The following PHF8 variants were observed in gnomAD, a reference collection of about 807,000 sequenced individuals.
PHF8 encodes histone lysine demethylase PHF8.
In PHF8, 9 loss-of-function variants were observed where a neutral mutation model predicts 74.4. The observed-to-expected ratio is 0.12, with a 90% confidence interval of 0.07 to 0.21. PHF8 has a LOEUF of 0.21. Ranked by LOEUF, PHF8 falls within the 10% of genes least tolerant of loss-of-function variation. PHF8 has a pLI of 1.00. For synonymous variants in PHF8, 311 were observed against 316.6 expected, an observed-to-expected ratio of 0.98 and a Z score of 0.19; for missense variants, 478 against 816.6, an observed-to-expected ratio of 0.59 and a Z score of 5.05.
At chrX:54,042,597 CCGCACCCTG>C (rs1440328222) in intron 2 of PHF8, 25 bp downstream of exon 2, 2 of 1,157,006 alleles carry the variant, frequency 1.7e-6, no homozygotes, top group African/African-American at 3.6e-5. Context: ...CACCTGGCCA[CCGCACCCTG>C]TGTAGCCTGG....
chrX:54,006,781 C>T (rs781983094), intron 8 of PHF8, among the ~76,000 whole-genome samples: 9 of 109,015 alleles, frequency 8.3e-5, no homozygotes, highest in Admixed American at 2.0e-4. Flanking sequence ...ACTGCAAATA[C>T]GAAAAAATTA....
intron 18 of PHF8, among the ~76,000 whole-genome samples, chrX:53,977,918 T>C (rs1181117386): frequency 9.4e-6 from 1 of 106,262 alleles, no homozygotes; most frequent in Non-Finnish European, 1.9e-5. Context: ...AGTGCTGGGA[T>C]TACAGGCGTC....
At chrX:53,942,862 C>T in intron 20 of PHF8, 1 of 751,039 alleles carries the variant, frequency 1.3e-6, no homozygotes, top group Non-Finnish European at 1.6e-6. Flanking sequence ...TATTGCAGTG[C>T]ACTATGGCTG....
At chrX:53,993,022 G>A in intron 13 of PHF8, 183 bp from the exon 14 acceptor site, 1 of 449,095 alleles carries the variant, frequency 2.2e-6, no homozygotes, top group East Asian at 3.9e-5. Context: ...ATGTGTGGTT[G>A]GTTCAGGGGA....
intron 18 of PHF8, among the ~76,000 whole-genome samples, chrX:53,969,521 A>G (rs1227491298): frequency 8.9e-6 from 1 of 112,119 alleles, no homozygotes; most frequent in Non-Finnish European, 1.9e-5. Context: ...TGGAAGAACT[A>G]ATATTGCTAA....
At chrX:53,945,915 G>GCTGAT (rs1327557783) in intron 19 of PHF8, among the ~76,000 whole-genome samples, 5 of 112,065 alleles carry the variant, frequency 4.5e-5, no homozygotes, top group African/African-American at 1.3e-4. Flanking sequence ...ATTCTCTAAT[G>GCTGAT]CTGATGTGTT....
At position 54,044,049 on chromosome X, in the gene PHF8, C is replaced by T. The variant is rs2066608497; in HGVS notation, c.-380G>A. 2.6e-6 allele frequency: 2 copies of T among 755,303 alleles called. No individual in the cohort carries two copies. Among genetic ancestry groups the T allele is most frequent in the Non-Finnish European group, 3.1e-6 (2 of 639,582 alleles). 62.2% of individuals were successfully genotyped at this position (755,303 alleles called of 1,213,427 possible). Reference sequence around the variant, plus strand: ...ACCTCGCTCGCCTTCCCCTCGAGCCCCCCGCTGGGTCGCGCGGCGCCAGCC... The same window carrying T: ...ACCTCGCTCGCCTTCCCCTCGAGCCTCCCGCTGGGTCGCGCGGCGCCAGCC... On this transcript the variant is annotated 5_prime_UTR_variant, in exon 1 of 22. Transcript: ENST00000338154.
At chrX:53,986,921 T>A (rs1021867158) in intron 16 of PHF8, among the ~76,000 whole-genome samples, 157 bp downstream of exon 16, 2 of 111,368 alleles carry the variant, frequency 1.8e-5, no homozygotes, top group Admixed American at 9.6e-5. Context: ...GCGAGGAGAC[T>A]CTGTCTCAAA....
At position 53,993,886 on chromosome X, in the gene PHF8, G is replaced by A; in HGVS notation, c.1341C>T (p.Asn447=). The A allele has an allele frequency of 1.7e-6, 2 of 1,203,297 alleles. No homozygotes were observed. The highest frequency in any genetic ancestry group is 4.4e-5 in the Admixed American group (2 of 45,839). ...IRLVEDIFQQ[N]VGKTSNIFGL... ...CAAAGATATTGCTCGTCTTCCCAAC[G>A]TTCTGTTGGAAGATGTCCTACAAGA... Residue 447 remains asparagine (N), a synonymous_variant, in exon 13 of 22, where the codon AAC becomes AAT. Transcript: ENST00000338154.
intron 1 of PHF8, chrX:54,043,189 T>C (rs2066593454): frequency 1.3e-6 from 1 of 741,988 alleles, no homozygotes. Context: ...GGGCTCCCTC[T>C]ATTATGACGC....
intron 11 of PHF8, among the ~76,000 whole-genome samples, chrX:53,999,161 G>A (rs886170223): frequency 3.6e-5 from 4 of 111,417 alleles, no homozygotes; most frequent in African/African-American, 9.8e-5. Context: ...GTATGGGTCC[G>A]TTTATATGCA....
In PHF8 at chrX:53,944,503, C is replaced by T. The variant is rs376542481; in HGVS notation, c.2540-260G>A. 273 of 349,369 alleles carry T rather than the reference C, an allele frequency of 7.8e-4. 1 individual carries two copies. Among genetic ancestry groups the T allele is most frequent in the African/African-American group, 6.2e-3 (239 of 38,729 alleles). The allele number at this position is 349,369 out of a possible 1,213,427, so 28.8% of individuals were successfully genotyped here. On this transcript the variant is annotated intron_variant, in intron 19 of 21. Transcript: ENST00000338154. ...CCTCCTTTGGCTGGGCATGATGGTT[C>T]ATGCCTGTAATCCCATTGCTCTGGG...
chrX:53,984,918 C>T lies in PHF8; in HGVS notation c.2439G>A (p.Glu813=). Residue 813 remains glutamate (E), a synonymous_variant, in exon 18 of 22, where the codon GAG becomes GAA. Transcript: ENST00000338154. ...CATGTGCTTAGCTGCCCTTACTATA[C>T]TCTGCATCCTTGAAGCACGCTCCCA... is the stretch of plus-strand genomic sequence containing the variant. ...DSLGACFKDA[E]YIYPSLESDD... is the part of the protein sequence containing the mutation. 8.3e-7 allele frequency: 1 copy of T among 1,207,242 alleles called. No individual in the cohort carries two copies. The highest frequency in any genetic ancestry group is 1.8e-5 in the South Asian group (1 of 56,829).
At chrX:54,036,862 T>G (rs1312775926) in intron 2 of PHF8, among the ~76,000 whole-genome samples, 2 of 107,283 alleles carry the variant, frequency 1.9e-5, no homozygotes, top group African/African-American at 6.8e-5. Flanking sequence ...TAGCTGGGCG[T>G]GGTGGCGAGC....
chrX:53,971,678 C>A (rs2065293046), intron 18 of PHF8, among the ~76,000 whole-genome samples: 1 of 111,599 alleles, frequency 9.0e-6, no homozygotes, highest in Admixed American at 9.6e-5. Context: ...GAAATACAAA[C>A]AACCATCAGA....
chrX:54,036,016 C>G (rs1462839801), intron 2 of PHF8, among the ~76,000 whole-genome samples: 2 of 103,898 alleles, frequency 1.9e-5, no homozygotes, highest in Non-Finnish European at 3.9e-5. Context: ...GAGGCTGAGG[C>G]AGAAGAATCG....
At chrX:54,010,748 G>A (rs2065971213) in intron 8 of PHF8, among the ~76,000 whole-genome samples, 1 of 110,863 alleles carries the variant, frequency 9.0e-6, no homozygotes, top group Non-Finnish European at 1.9e-5. Context: ...GTGAAGCCCA[G>A]GTACAAACTG....
intron 6 of PHF8, among the ~76,000 whole-genome samples, chrX:54,015,967 C>T (rs2149876734): frequency 1.8e-5 from 2 of 110,969 alleles, no homozygotes; most frequent in Admixed American, 9.7e-5. Flanking sequence ...ACCTATCCCA[C>T]CAGTTACACA....
chrX:54,042,845 A>T (rs936515901), intron 1 of PHF8, 25 bp from the exon 2 acceptor site: 3 of 1,050,891 alleles, frequency 2.9e-6, no homozygotes, highest in Non-Finnish European at 3.8e-6. Context: ...CACTTTTTAC[A>T]GAGTGAATCA....
Sources: gnomAD v4.1 joint callset for allele counts (sites outside exome capture counted in the v4.1 genomes callset) on GRCh38, gnomAD v4.1.1 for gene constraint, MANE v1.5 for transcripts, NCBI Gene and HGNC (gene_info 2026-07-23, HGNC 2026-07-21) for gene names.